The following AGTPBP1 variants were observed in gnomAD, a reference collection of about 807,000 sequenced individuals.
The protein encoded by AGTPBP1 is ATP/GTP binding carboxypeptidase 1.
In AGTPBP1, 70 loss-of-function variants were observed where a neutral mutation model predicts 143.9. The ratio of observed to expected loss-of-function variants is 0.49; its 90% CI spans 0.40 to 0.59. AGTPBP1 has a LOEUF of 0.59. AGTPBP1 is among the 20% of genes least tolerant of loss of function. The pLI is 0.00. For synonymous variants in AGTPBP1, 463 were observed against 500.2 expected (o/e 0.93, Z 0.99); for missense variants, 1,229 against 1,464.5 (o/e 0.84, Z 2.62).
At chr9:85,601,646 T>C (rs980478689) in intron 17 of AGTPBP1, among the ~76,000 whole-genome samples, 8 of 152,196 alleles carry the variant, frequency 5.3e-5, no homozygotes, top group African/African-American at 7.2e-5. Context: ...TTGCTCATGC[T>C]ATGCCTGCTG....
chr9:85,565,453 G>A (rs1273974898), intron 25 of AGTPBP1, among the ~76,000 whole-genome samples: 2 of 151,932 alleles, frequency 1.3e-5, no homozygotes, highest in African/African-American at 4.8e-5. Context: ...AAAAAGTTAG[G>A]GGAATTTATA....
At chr9:85,551,605 C>G (rs1587607486) in intron 25 of AGTPBP1, among the ~76,000 whole-genome samples, 1 of 152,192 alleles carries the variant, frequency 6.6e-6, no homozygotes, top group Admixed American at 6.5e-5. Flanking sequence ...TTATGAAAAG[C>G]CTTGAGGTTG....
intron 25 of AGTPBP1, among the ~76,000 whole-genome samples, 181 bp downstream of exon 25, chr9:85,575,134 C>G (rs1475597825): frequency 6.6e-6 from 1 of 152,058 alleles, no homozygotes; most frequent in Non-Finnish European, 1.5e-5. Flanking sequence ...AAAATCTCAT[C>G]CAAATATCAA....
chr9:85,710,699 C>CAAAA (rs368952660), intron 2 of AGTPBP1, among the ~76,000 whole-genome samples: 2 of 146,488 alleles, frequency 1.4e-5, no homozygotes, highest in African/African-American at 2.5e-5. Context: ...ACAACAACAA[C>CAAAA]AAAAAAAACA....
intron 1 of AGTPBP1, among the ~76,000 whole-genome samples, chr9:85,719,671 G>A (rs1246564117): frequency 6.6e-6 from 1 of 152,120 alleles, no homozygotes; most frequent in Non-Finnish European, 1.5e-5. Context: ...TTGCCTGATT[G>A]CCCTGGCCAG....
Position 85,692,728 on chromosome 9 carries a change from A to G in AGTPBP1, c.118T>C (p.Tyr40His), listed in dbSNP as rs1482447944. The G allele has an allele frequency of 6.2e-7, 1 of 1,614,032 alleles. No homozygotes were observed. The highest frequency in any genetic ancestry group is 1.1e-5 in the South Asian group (1 of 91,070). ...AGATGAAGAATTTTTGATGTAACAT[A>G]TCGGGCAGTGTCTGATTCTGAAGGC... ...AEPSESDTARYVTSKILHLAQ... is the reference protein window; with the variant it reads ...AEPSESDTARHVTSKILHLAQ... Residue 40 changes from tyrosine (Y) to histidine (H), a missense_variant, in exon 3 of 26, where the codon TAT (tyrosine) becomes CAT (histidine). Coordinates refer to ENST00000357081, the MANE Select transcript of AGTPBP1 (RefSeq NM_001330701.2).
intron 19 of AGTPBP1, among the ~76,000 whole-genome samples, chr9:85,591,673 TA>T (rs1828977022): frequency 6.6e-6 from 1 of 152,182 alleles, no homozygotes; most frequent in Non-Finnish European, 1.5e-5. Context: ...TGGTAGGTTG[TA>T]ACCTTTCTTA....
intron 25 of AGTPBP1, chr9:85,554,178 G>A (rs1183580572): frequency 1.3e-5 from 2 of 152,302 alleles, no homozygotes; most frequent in Non-Finnish European, 2.9e-5. Context: ...CCCAGGCCAA[G>A]CAAGGGCAGC....
intron 25 of AGTPBP1, chr9:85,554,111 G>C (rs1826190692): frequency 6.6e-6 from 1 of 152,246 alleles, no homozygotes; most frequent in South Asian, 2.1e-4. Flanking sequence ...TACAGTGAAA[G>C]GATACAAAGC....
In AGTPBP1 at chr9:85,646,470, T is replaced by C. The variant is rs1003934897; in HGVS notation, c.1088-52A>G. The C allele has an allele frequency of 2.5e-6, 3 of 1,214,350 alleles. No homozygotes were observed. The Admixed American group carries it at 5.2e-5, about 21-fold the overall frequency. 75.2% of individuals were successfully genotyped at this position (1,214,350 alleles called of 1,614,324 possible). On this transcript the variant is annotated intron_variant, in intron 11 of 25. Transcript: ENST00000357081. ...GGTCAGAGGTAAGCATTCTACAATA[T>C]GCATAGCCAATGGTAGAATGTGACT...
At chr9:85,572,009 T>G (rs1328041936) in intron 25 of AGTPBP1, among the ~76,000 whole-genome samples, 1 of 16,188 alleles carries the variant, frequency 6.2e-5, no homozygotes, top group South Asian at 3.6e-3. Context: ...TGTGTGTTTT[T>G]TTTTTTTTTT....
chr9:85,714,400 T>C (rs1414736747), intron 1 of AGTPBP1, among the ~76,000 whole-genome samples: 2 of 152,180 alleles, frequency 1.3e-5, no homozygotes, highest in African/African-American at 4.8e-5. Flanking sequence ...CTACTGTAAT[T>C]GGTGTTTGAA....
chr9:85,597,861 T>G (rs543571895), intron 17 of AGTPBP1, among the ~76,000 whole-genome samples: 57 of 152,268 alleles, frequency 3.7e-4, no homozygotes, highest in Non-Finnish European at 6.6e-4. Context: ...TTTAACACTA[T>G]GTGACTAAGT....
At chr9:85,669,028 C>T (rs1250398269) in intron 8 of AGTPBP1, among the ~76,000 whole-genome samples, 1 of 143,302 alleles carries the variant, frequency 7.0e-6, no homozygotes, top group Non-Finnish European at 1.5e-5. Context: ...CACACACACA[C>T]ACACACACAC....
At chr9:85,690,116 T>TA (rs1219253363) in intron 3 of AGTPBP1, among the ~76,000 whole-genome samples, 1 of 151,912 alleles carries the variant, frequency 6.6e-6, no homozygotes, top group Non-Finnish European at 1.5e-5. Context: ...ATTGTCATTC[T>TA]AATTTCTGTC....
At chr9:85,755,556 TTGAC>T in the AGTPBP1 span, among the ~76,000 whole-genome samples, 1 of 152,172 alleles carries the variant, frequency 6.6e-6, no homozygotes, top group African/African-American at 2.4e-5. Context: ...ATTCACTTCA[TTGAC>T]TGACTGAATC....
chr9:85,789,656 C>G, the AGTPBP1 span, among the ~76,000 whole-genome samples: 1 of 152,074 alleles, frequency 6.6e-6, no homozygotes, highest in South Asian at 2.1e-4. Context: ...GTTGTTGCCT[C>G]AATTCTTCGT....
intron 18 of AGTPBP1, among the ~76,000 whole-genome samples, chr9:85,594,681 T>C (rs1829185214): frequency 6.6e-6 from 1 of 152,202 alleles, no homozygotes; most frequent in Non-Finnish European, 1.5e-5. Flanking sequence ...GGTTAATAAA[T>C]GTTTGTTGAA....
chr9:85,800,395 G>C, the AGTPBP1 span, among the ~76,000 whole-genome samples: 1 of 152,104 alleles, frequency 6.6e-6, no homozygotes, highest in African/African-American at 2.4e-5. Context: ...CTCACTTCTG[G>C]CTAGTTCTGC....
Sources: gnomAD v4.1 joint callset for allele counts (sites outside exome capture counted in the v4.1 genomes callset) on GRCh38, gnomAD v4.1.1 for gene constraint, MANE v1.5 for transcripts, NCBI Gene and HGNC (gene_info 2026-07-23, HGNC 2026-07-21) for gene names.